Variants in MYO3B observed in about 807,000 individuals in gnomAD.
MYO3B encodes the protein myosin-IIIb.
MYO3B carries 156 observed loss-of-function variants against 174.6 expected under a neutral mutation model. The observed-to-expected ratio is 0.89, with a 90% CI of 0.78 to 1.02. MYO3B has a LOEUF of 1.02. Ranked by LOEUF, MYO3B falls within the 50% of genes least tolerant of loss-of-function variation. The pLI is 0.00. For synonymous variants in MYO3B, 563 were observed against 569.1 expected (o/e 0.99, Z 0.15); for missense variants, 1,632 against 1,639.4 (o/e 1.00, Z 0.08).
intron 30 of MYO3B, among the ~76,000 whole-genome samples, chr2:170,538,264 C>T (rs1017493994): frequency 6.6e-6 from 1 of 152,164 alleles, no homozygotes; most frequent in Admixed American, 6.5e-5. Context: ...TATCAACCAA[C>T]TAGAGAGGGG....
intron 23 of MYO3B, among the ~76,000 whole-genome samples, chr2:170,456,040 A>G (rs1231551416): frequency 6.6e-6 from 1 of 152,212 alleles, no homozygotes; most frequent in Non-Finnish European, 1.5e-5. Context: ...GAGAAAATGC[A>G]TACAGATGTA....
At chr2:170,557,696 C>T (rs1691425427) in intron 32 of MYO3B, among the ~76,000 whole-genome samples, 1 of 152,094 alleles carries the variant, frequency 6.6e-6, no homozygotes, top group Admixed American at 6.6e-5. Flanking sequence ...AATTTGAAAA[C>T]AAGTCTGCTT....
At chr2:170,359,333 A>G (rs2094144707) in intron 8 of MYO3B, among the ~76,000 whole-genome samples, 1 of 152,098 alleles carries the variant, frequency 6.6e-6, no homozygotes, top group Non-Finnish European at 1.5e-5. Flanking sequence ...CAGGGCTACA[A>G]TCATCATCTT....
At chr2:170,347,599 G>A (rs978542541) in intron 8 of MYO3B, among the ~76,000 whole-genome samples, 2 of 151,328 alleles carry the variant, frequency 1.3e-5, no homozygotes, top group Non-Finnish European at 2.9e-5. Context: ...AGACTGTCTC[G>A]AAAAAAAATA....
chr2:170,603,103 C>A (rs1454405337), intron 32 of MYO3B, among the ~76,000 whole-genome samples: 1 of 151,934 alleles, frequency 6.6e-6, no homozygotes, highest in Non-Finnish European at 1.5e-5. Flanking sequence ...AAAAAAACTT[C>A]TAAACCTTCA....
chr2:170,315,182 A>G (rs1195527252), intron 7 of MYO3B, among the ~76,000 whole-genome samples: 2 of 152,232 alleles, frequency 1.3e-5, no homozygotes, highest in Non-Finnish European at 2.9e-5. Flanking sequence ...TAGAAGCAGC[A>G]TTTAACTTAT....
At chr2:170,648,363 C>T (rs1403117638) in intron 32 of MYO3B, among the ~76,000 whole-genome samples, 1 of 152,006 alleles carries the variant, frequency 6.6e-6, no homozygotes, top group Non-Finnish European at 1.5e-5. Context: ...GACATGGTGG[C>T]TCATGCCTGT....
At chr2:170,494,456 G>A (rs891052332) in intron 25 of MYO3B, among the ~76,000 whole-genome samples, 7 of 152,210 alleles carry the variant, frequency 4.6e-5, no homozygotes, top group Admixed American at 2.0e-4. Flanking sequence ...GGCCAGATGC[G>A]TTGGCTCATG....
At chr2:170,185,852 A>C (rs575048073) in intron 1 of MYO3B, among the ~76,000 whole-genome samples, 64 of 121,442 alleles carry the variant, frequency 5.3e-4, no homozygotes, top group Non-Finnish European at 1.0e-3. Context: ...CGTTGTAGAG[A>C]TCTTTCATTT....
At chr2:170,439,188 C>T (rs1032305323) in intron 22 of MYO3B, among the ~76,000 whole-genome samples, 7 of 150,358 alleles carry the variant, frequency 4.7e-5, no homozygotes, top group South Asian at 2.1e-4. Flanking sequence ...CTGGCTAACA[C>T]GGTGAAAACC....
chr2:170,220,496 G>A (rs28735737), intron 6 of MYO3B, among the ~76,000 whole-genome samples: 1,622 of 151,472 alleles, frequency 0.011, 27 homozygotes, highest in African/African-American at 0.038. Context: ...TGGCAGGATG[G>A]CAGGGGCCTG....
At chr2:170,307,588 A>T (rs1055882937) in intron 7 of MYO3B, among the ~76,000 whole-genome samples, 1 of 152,156 alleles carries the variant, frequency 6.6e-6, no homozygotes, top group Non-Finnish European at 1.5e-5. Context: ...GTTGCAGGAC[A>T]GGGGGGCCCC....
chr2:170,602,874 C>T (rs1295492459), intron 32 of MYO3B, among the ~76,000 whole-genome samples: 1 of 152,086 alleles, frequency 6.6e-6, no homozygotes, highest in African/African-American at 2.4e-5. Flanking sequence ...TGAGACCAGC[C>T]TGATCAACAT....
chr2:170,464,875 T>G (rs1387681022), intron 24 of MYO3B, among the ~76,000 whole-genome samples: 3 of 152,080 alleles, frequency 2.0e-5, no homozygotes, highest in African/African-American at 7.2e-5. Context: ...ATAATTTTTT[T>G]TTTTCTTTTA....
intron 7 of MYO3B, among the ~76,000 whole-genome samples, chr2:170,280,616 A>C (rs188151062): frequency 6.6e-6 from 1 of 152,130 alleles, no homozygotes; most frequent in East Asian, 1.9e-4. Flanking sequence ...GGGTTTTTAC[A>C]TTTAAGTCTG....
At chr2:170,401,921 G>A (rs1157797522) in intron 18 of MYO3B, among the ~76,000 whole-genome samples, 1 of 150,532 alleles carries the variant, frequency 6.6e-6, no homozygotes, top group Non-Finnish European at 1.5e-5. Context: ...AACTGCCTCC[G>A]CCTCTTGAGT....
chr2:170,584,050 C>T (rs1047663529), intron 32 of MYO3B, among the ~76,000 whole-genome samples: 2 of 152,224 alleles, frequency 1.3e-5, no homozygotes, highest in Non-Finnish European at 2.9e-5. Flanking sequence ...TTACACAATG[C>T]CAAACTAGTG....
chr2:170,310,644 G>T (rs551391984), intron 7 of MYO3B, among the ~76,000 whole-genome samples: 5 of 110,772 alleles, frequency 4.5e-5, no homozygotes, highest in African/African-American at 1.7e-4. Flanking sequence ...CAGCCTGGGC[G>T]ACAAGAGCAA....
chr2:170,227,808 C>A (rs1232614247), intron 6 of MYO3B, among the ~76,000 whole-genome samples: 1 of 152,158 alleles, frequency 6.6e-6, no homozygotes, highest in African/African-American at 2.4e-5. Flanking sequence ...AGGAGAAAAA[C>A]ATTTTTTTCC....
Sources: gnomAD v4.1 joint callset for allele counts (sites outside exome capture counted in the v4.1 genomes callset) on GRCh38, gnomAD v4.1.1 for gene constraint, MANE v1.5 for transcripts, NCBI Gene and HGNC (gene_info 2026-07-23, HGNC 2026-07-21) for gene names.